Variants in COPS6 observed in about 807,000 individuals in gnomAD.
The protein encoded by COPS6 is COP9 signalosome complex subunit 6.
COPS6 carries 9 observed loss-of-function variants against 41.0 expected under a neutral mutation model. That is an observed-to-expected ratio of 0.22 (90% CI 0.13 to 0.38). COPS6 has a LOEUF of 0.38. Among genes scored for constraint, COPS6 ranks in the 10% least tolerant of loss-of-function variants. The pLI is 1.00. For synonymous variants in COPS6, 179 were observed against 162.9 expected, an observed-to-expected ratio of 1.10 and a Z score of -0.75; for missense variants, 302 against 436.7, an observed-to-expected ratio of 0.69 and a Z score of 2.75.
intron 3 of COPS6, 143 bp from the exon 4 acceptor site, chr7:100,090,253 CAGG>C: frequency 4.8e-6 from 3 of 630,176 alleles, no homozygotes; most frequent in East Asian, 2.7e-5. Flanking sequence ...GATGCTGAGG[CAGG>C]AGAATTGCTT....
At chr7:100,089,458 C>T (rs1169689923) in intron 2 of COPS6, 43 bp downstream of exon 2, 1 of 1,611,788 alleles carries the variant, frequency 6.2e-7, no homozygotes, top group South Asian at 1.1e-5. Context: ...CCTTGCTCAC[C>T]TCCCCCAGGC....
At position 100,091,744 on chromosome 7, in the gene COPS6, C is replaced by T. The variant is rs771766687; in HGVS notation, c.939C>T (p.Tyr313=). The change falls in exon 10 of 10, where the codon TAC becomes TAT. Residue 313 remains tyrosine (Y), a synonymous_variant. Transcript: ENST00000303904. This position sits in a 1 kb window ranked among gnomAD's most constrained non-coding sequence, Gnocchi z 4.1. The part of the protein sequence containing the change: ...NQFVNKFNVL[Y]DRQGIGRRMR... ...TTGTGAACAAGTTCAATGTCCTCTA[C>T]GACCGACAAGGCATCGGCAGGAGAA... 25 of 1,614,262 alleles carry T rather than the reference C, an allele frequency of 1.5e-5. No homozygotes were observed. Among genetic ancestry groups the T allele is most frequent in the Middle Eastern group, 1.6e-4 (1 of 6,062 alleles).
chr7:100,091,307 A>C lies in COPS6; in HGVS notation c.719A>C (p.Glu240Ala), dbSNP rs1178807122. 2 of 1,614,058 alleles carry C rather than the reference A, an allele frequency of 1.2e-6. No individual in the cohort carries two copies. Among genetic ancestry groups the C allele is most frequent in the Non-Finnish European group, 1.7e-6 (2 of 1,180,016 alleles). The change falls in exon 8 of 10, where the codon GAG (glutamate) becomes GCG (alanine). Residue 240 changes from glutamate (E) to alanine (A), a missense_variant. Physicochemically the swap from Glu to Ala is moderately radical, Grantham distance 107 (BLOSUM62 -1). Transcript: ENST00000303904. This position sits in a 1 kb window ranked among gnomAD's most constrained non-coding sequence, Gnocchi z 4.1. Reference sequence around the variant, plus strand: ...CACAGCCGCGTCAAGCTCATCTTGGAGTACGTCAAGGCCTCTGAAGCGGGT... The same window carrying C: ...CACAGCCGCGTCAAGCTCATCTTGGCGTACGTCAAGGCCTCTGAAGCGGGT... ...MLHSRVKLIL[E>A]YVKASEAGEV...
chr7:100,090,440 A>T lies in COPS6; in HGVS notation c.376A>T (p.Thr126Ser), dbSNP rs773625233. ...FKELEFLGWY[T>S]TGGPPDPSDI... ...GGAGCTGGAGTTTCTGGGTTGGTAT[A>T]CCACAGGGGGGCCACCTGACCCCTC... The change falls in exon 4 of 10, where the codon ACC becomes TCC. Residue 126 changes from threonine to serine, a missense_variant. Physicochemically the swap from Thr to Ser is moderately conservative, Grantham distance 58 (BLOSUM62 1). Transcript: ENST00000303904. 3.1e-6 allele frequency: 5 copies of T among 1,613,822 alleles called. No homozygotes were observed. The highest frequency in any genetic ancestry group is 4.2e-6 in the Non-Finnish European group (5 of 1,179,990).
intron 2 of COPS6, 47 bp downstream of exon 2, chr7:100,089,462 C>T: frequency 6.2e-7 from 1 of 1,612,094 alleles, no homozygotes; most frequent in African/African-American, 1.3e-5. Flanking sequence ...GCTCACCTCC[C>T]CCAGGCAGTG....
chr7:100,090,384 C>T lies in COPS6; in HGVS notation c.335-15C>T, dbSNP rs1225101532. 1.9e-6 allele frequency: 3 copies of T among 1,587,742 alleles called. No homozygotes were observed. Among genetic ancestry groups the T allele is most frequent in the South Asian group, 1.1e-5 (1 of 90,540 alleles). On this transcript the variant is annotated splice_polypyrimidine_tract_variant and intron_variant, in intron 3 of 9. Transcript: ENST00000303904. The stretch of plus-strand genomic sequence containing the variant: ...AAAAAAGAATTACTATATGTTCTGG[C>T]CCCTTCCCCTCTAGTTAAACAGGTG...
In COPS6 at chr7:100,089,007, C is replaced by G; in HGVS notation, c.17C>G (p.Ala6Gly). The change falls in exon 1 of 10, where the codon GCG (alanine) becomes GGG (glycine). Residue 6 changes from alanine (A) to glycine (G), a missense_variant. This residue lies in a region of COPS6 where 76 missense variants were observed against 97.9 expected (regional missense o/e 0.78). Transcript: ENST00000303904. ...GCGGGGAAAATGGCGGCGGCGGCGG[C>G]GGCGGCTGCAGCTACGAACGGGACC... is the stretch of plus-strand genomic sequence containing the variant. The part of the protein sequence containing the change: MAAAA[A>G]AAAATNGTGG... The G allele has an allele frequency of 7.6e-7, 1 of 1,311,048 alleles. No individual in the cohort carries two copies. The highest frequency in any genetic ancestry group is 9.7e-7 in the Non-Finnish European group (1 of 1,027,184). 81.2% of individuals were successfully genotyped at this position (1,311,048 alleles called of 1,614,324 possible). A position where few individuals can be genotyped will look rare whatever the true frequency, so the allele number is the denominator to read the frequency against.
rs747909039 is a variant in COPS6, at chr7:100,091,420, G to C, written c.743G>C (p.Gly248Ala). 27 of 1,613,900 alleles carry C rather than the reference G, an allele frequency of 1.7e-5. No homozygotes were observed. The highest frequency in any genetic ancestry group is 2.2e-5 in the Non-Finnish European group (26 of 1,179,932). ...ATGTAGTCTCTTTTTGTGCCTTTAGGAGAGGTCCCCTTTAATCATGAGATC... is the reference window on the plus strand; with the variant it reads ...ATGTAGTCTCTTTTTGTGCCTTTAGCAGAGGTCCCCTTTAATCATGAGATC... Reference protein sequence around the residue: ...ILEYVKASEAGEVPFNHEILR... With the variant: ...ILEYVKASEAAEVPFNHEILR... Residue 248 changes from glycine (G) to alanine (A), a missense_variant and splice_region_variant, in exon 9 of 10, where the codon GGA becomes GCA. Physicochemically the swap from Gly to Ala is moderately conservative, Grantham distance 60 (BLOSUM62 0). Coordinates refer to ENST00000303904, the MANE Select transcript of COPS6 (RefSeq NM_006833.5). This position sits in a 1 kb window ranked among gnomAD's most constrained non-coding sequence, Gnocchi z 4.1.
In COPS6 at chr7:100,091,592, T is replaced by A; in HGVS notation, c.844-57T>A. On this transcript the variant is annotated intron_variant, in intron 9 of 9. Transcript: ENST00000303904. The surrounding 1 kb of genome is among the most constrained non-coding windows in gnomAD (Gnocchi z 4.1). ...TCACGTGCAGGACTGGGGACTGTTGTTCCCCGGGCATGCCACGAGGGATCC... is the reference window on the plus strand; with the variant it reads ...TCACGTGCAGGACTGGGGACTGTTGATCCCCGGGCATGCCACGAGGGATCC... 1 of 1,613,778 alleles carries A rather than the reference T, an allele frequency of 6.2e-7. No individual in the cohort carries two copies. Among genetic ancestry groups the A allele is most frequent in the Non-Finnish European group, 8.5e-7 (1 of 1,179,690 alleles).
Position 100,091,442 on chromosome 7 carries a change from G to T in COPS6, c.765G>T (p.Glu255Asp), listed in dbSNP as rs1795316645. ...TAGGAGAGGTCCCCTTTAATCATGA[G>T]ATCCTGCGGGAGGCCTATGCTCTGT... Reference protein sequence around the residue: ...SEAGEVPFNHEILREAYALCH... With the variant: ...SEAGEVPFNHDILREAYALCH... The change falls in exon 9 of 10, where the codon GAG (glutamate) becomes GAT (aspartate). Residue 255 changes from glutamate (E) to aspartate (D), a missense_variant. Glu to Asp is a conservative substitution (Grantham distance 45). This residue lies in a region of COPS6 where 222 missense variants were observed against 309.0 expected (regional missense o/e 0.72). Coordinates refer to ENST00000303904, the MANE Select transcript of COPS6 (RefSeq NM_006833.5). This position sits in a 1 kb window ranked among gnomAD's most constrained non-coding sequence, Gnocchi z 4.1. 2 of 1,614,174 alleles carry T rather than the reference G, an allele frequency of 1.2e-6. No homozygotes were observed. Among genetic ancestry groups the T allele is most frequent in the South Asian group, 2.2e-5 (2 of 91,090 alleles).
At position 100,092,007 on chromosome 7, in the gene COPS6, C is replaced by T; in HGVS notation, c.*218C>T. 1 of 588,596 alleles carries T rather than the reference C, an allele frequency of 1.7e-6. No individual in the cohort carries two copies. The highest frequency in any genetic ancestry group is 3.0e-6 in the Non-Finnish European group (1 of 334,948). 36.5% of individuals were successfully genotyped at this position (588,596 alleles called of 1,614,324 possible). On this transcript the variant is annotated 3_prime_UTR_variant, in exon 10 of 10. Transcript: ENST00000303904. ...GCCTTGCTCAGAAGCCCTTCTGATG[C>T]TCTTCAGTGAGGGAGGCACTACCAT...
At position 100,091,928 on chromosome 7, in the gene COPS6, CTGTT is replaced by C; in HGVS notation, c.*140_*143del. The C allele has an allele frequency of 1.9e-6, 2 of 1,049,874 alleles. No individual in the cohort carries two copies. The highest frequency in any genetic ancestry group is 2.8e-6 in the Non-Finnish European group (2 of 725,720). The allele number at this position is 1,049,874 out of a possible 1,614,324, so 65.0% of individuals were successfully genotyped here. A position where few individuals can be genotyped will look rare whatever the true frequency, so the allele number is the denominator to read the frequency against. ...GCACCCCTGCTGGTGGCTCTGTCCT[CTGTT>C]AGGCACCACACTGGTTGGTCAACTT... On this transcript the variant is annotated 3_prime_UTR_variant, in exon 10 of 10. Coordinates refer to ENST00000303904, the MANE Select transcript of COPS6 (RefSeq NM_006833.5). This position sits in a 1 kb window ranked among gnomAD's most constrained non-coding sequence, Gnocchi z 4.1.
chr7:100,089,450 T>C (rs1795281745), intron 2 of COPS6, 35 bp downstream of exon 2: 2 of 1,612,984 alleles, frequency 1.2e-6, no homozygotes, highest in Non-Finnish European at 1.7e-6. Flanking sequence ...TCTCTTCTCC[T>C]TGCTCACCTC....
Position 100,091,871 on chromosome 7 carries a change from G to T in COPS6, c.*82G>T, listed in dbSNP as rs41280959. ...GCACTACACTTCCTTGAGAGAAACCGCTGTCATTAATAAAAGGGGAGCAGC... is the reference window on the plus strand; with the variant it reads ...GCACTACACTTCCTTGAGAGAAACCTCTGTCATTAATAAAAGGGGAGCAGC... On this transcript the variant is annotated 3_prime_UTR_variant, in exon 10 of 10. Coordinates refer to ENST00000303904, the MANE Select transcript of COPS6 (RefSeq NM_006833.5). The surrounding 1 kb of genome is among the most constrained non-coding windows in gnomAD (Gnocchi z 4.1). 3.2e-6 allele frequency: 5 copies of T among 1,569,698 alleles called. No homozygotes were observed. The highest frequency in any genetic ancestry group is 4.5e-5 in the East Asian group (2 of 44,456).
rs1254205734 is a variant in COPS6, at chr7:100,091,862, A to C, written c.*73A>C. ...AAGGGGAGGGCACTACACTTCCTTGAGAGAAACCGCTGTCATTAATAAAAG... is the reference window on the plus strand; with the variant it reads ...AAGGGGAGGGCACTACACTTCCTTGCGAGAAACCGCTGTCATTAATAAAAG... On this transcript the variant is annotated 3_prime_UTR_variant, in exon 10 of 10. Coordinates refer to ENST00000303904, the MANE Select transcript of COPS6 (RefSeq NM_006833.5). The surrounding 1 kb of genome is among the most constrained non-coding windows in gnomAD (Gnocchi z 4.1). 6.3e-7 allele frequency: 1 copy of C among 1,590,176 alleles called. No homozygotes were observed. Among genetic ancestry groups the C allele is most frequent in the East Asian group, 2.2e-5 (1 of 44,606 alleles).
chr7:100,091,938 C>CCACACTGGTTGGT lies in COPS6; in HGVS notation c.*152_*164dup. The CCACACTGGTTGGT allele has an allele frequency of 1.0e-6, 1 of 967,824 alleles. No homozygotes were observed. The highest frequency in any genetic ancestry group is 1.5e-6 in the Non-Finnish European group (1 of 658,414). 60.0% of individuals were successfully genotyped at this position (967,824 alleles called of 1,614,324 possible). A position where few individuals can be genotyped will look rare whatever the true frequency, so the allele number is the denominator to read the frequency against. On this transcript the variant is annotated 3_prime_UTR_variant, in exon 10 of 10. Transcript: ENST00000303904. The surrounding 1 kb of genome is among the most constrained non-coding windows in gnomAD (Gnocchi z 4.1). Reference sequence around the variant, plus strand: ...TGGTGGCTCTGTCCTCTGTTAGGCACCACACTGGTTGGTCAACTTGGATGT... The same window carrying CCACACTGGTTGGT: ...TGGTGGCTCTGTCCTCTGTTAGGCACCACACTGGTTGGTCACACTGGTTGGTCAACTTGGATGT...
intron 2 of COPS6, 48 bp downstream of exon 2, chr7:100,089,463 C>T: frequency 1.9e-6 from 3 of 1,612,010 alleles, no homozygotes; most frequent in Non-Finnish European, 1.7e-6. Flanking sequence ...CTCACCTCCC[C>T]CAGGCAGTGG....
At position 100,091,861 on chromosome 7, in the gene COPS6, G is replaced by T; in HGVS notation, c.*72G>T. 6.3e-7 allele frequency: 1 copy of T among 1,590,198 alleles called. No homozygotes were observed. On this transcript the variant is annotated 3_prime_UTR_variant, in exon 10 of 10. Transcript: ENST00000303904. This position sits in a 1 kb window ranked among gnomAD's most constrained non-coding sequence, Gnocchi z 4.1. Reference sequence around the variant, plus strand: ...AAAGGGGAGGGCACTACACTTCCTTGAGAGAAACCGCTGTCATTAATAAAA... The same window carrying T: ...AAAGGGGAGGGCACTACACTTCCTTTAGAGAAACCGCTGTCATTAATAAAA...
At position 100,090,821 on chromosome 7, in the gene COPS6, G is replaced by C. The variant is rs1795304399; in HGVS notation, c.487-81G>C. 7 of 1,535,890 alleles carry C rather than the reference G, an allele frequency of 4.6e-6. No homozygotes were observed. In the Admixed American group the frequency reaches 1.2e-4, roughly 26 times the overall value. On this transcript the variant is annotated intron_variant, in intron 5 of 9. Transcript: ENST00000303904. ...GTAATCCCTACTTCATTGGTTTCTT[G>C]GGAAGATGAGAGGAAATGTGTAAAA...
Sources: gnomAD v4.1 joint callset for allele counts on GRCh38, gnomAD v4.1.1 for gene constraint, gnomAD v4.1.1 regional missense constraint, Gnocchi (gnomAD v3.1) non-coding constraint, MANE v1.5 for transcripts, NCBI Gene and HGNC (gene_info 2026-07-23, HGNC 2026-07-21) for gene names.